Variants in TMPRSS11E observed in about 807,000 individuals in gnomAD.
TMPRSS11E encodes the protein transmembrane protease serine 11E.
A neutral mutation model predicts 48.1 loss-of-function variants in TMPRSS11E; 38 were observed. That is an observed-to-expected ratio of 0.79 (90% CI 0.61 to 1.04). The LOEUF (loss-of-function observed/expected upper bound fraction) is 1.04, where lower values mean the gene tolerates loss of function less well. Ranked by LOEUF, TMPRSS11E falls within the 50% of genes least tolerant of loss-of-function variation. TMPRSS11E has a pLI of 0.00. For missense variants in TMPRSS11E, 530 were observed against 510.8 expected (o/e 1.04, Z -0.36); for synonymous variants, 158 against 171.9 (o/e 0.92, Z 0.63).
chr4:68,497,431 T>C lies in TMPRSS11E; in HGVS notation c.*627T>C, dbSNP rs1729903699. 6.6e-6 allele frequency: 1 copy of C among 152,140 alleles called. No individual in the cohort carries two copies. The highest frequency in any genetic ancestry group is 1.5e-5 in the Non-Finnish European group (1 of 67,998). 9.4% of individuals were successfully genotyped at this position (152,140 alleles called of 1,614,324 possible). A position where few individuals can be genotyped will look rare whatever the true frequency, so the allele number is the denominator to read the frequency against. On this transcript the variant is annotated 3_prime_UTR_variant, in exon 10 of 10. Coordinates refer to ENST00000305363, the MANE Select transcript of TMPRSS11E (RefSeq NM_014058.4). Reference sequence around the variant, plus strand: ...GAAAGAAGCCAAGATATATCCTTATTTTCATTTCCAAACAACTACTATGAT... The same window carrying C: ...GAAAGAAGCCAAGATATATCCTTATCTTCATTTCCAAACAACTACTATGAT...
intron 9 of TMPRSS11E, among the ~76,000 whole-genome samples, chr4:68,486,462 G>T (rs1458547052): frequency 6.6e-6 from 1 of 152,012 alleles, no homozygotes; most frequent in East Asian, 1.9e-4. Flanking sequence ...GAGAGATCTT[G>T]GTATTGATTT....
rs146866066 is a variant in TMPRSS11E, at chr4:68,456,498, G to A, written c.12-5323G>A. On this transcript the variant is annotated intron_variant, in intron 1 of 9. Transcript: ENST00000305363. Reference sequence around the variant, plus strand: ...CAATGAAAATATATAATCCATGCACGTATATATGATATTCTGTTTTATTTC... The same window carrying A: ...CAATGAAAATATATAATCCATGCACATATATATGATATTCTGTTTTATTTC... Among the ~76,000 whole-genome samples, 119 of 151,908 alleles carry A rather than the reference G, an allele frequency of 7.8e-4. 1 individual carries two copies. Among genetic ancestry groups the A allele is most frequent in the South Asian group, 4.6e-3 (22 of 4,812 alleles).
intron 1 of TMPRSS11E, among the ~76,000 whole-genome samples, chr4:68,454,032 G>A (rs1365156082): frequency 4.6e-5 from 7 of 151,840 alleles, no homozygotes; most frequent in Admixed American, 2.0e-4. Context: ...TATGGACAAG[G>A]GGCACTATTT....
At chr4:68,486,027 C>CT (rs1420109623) in intron 9 of TMPRSS11E, among the ~76,000 whole-genome samples, 4 of 151,768 alleles carry the variant, frequency 2.6e-5, no homozygotes, top group South Asian at 2.1e-4. Flanking sequence ...AAAGTTCTTT[C>CT]TTTTTTTTCT....
At chr4:68,494,956 T>A (rs919223316) in intron 9 of TMPRSS11E, among the ~76,000 whole-genome samples, 1 of 152,160 alleles carries the variant, frequency 6.6e-6, no homozygotes, top group African/African-American at 2.4e-5. Context: ...CACTCAGGCA[T>A]TTTCTTAAAA....
chr4:68,477,746 T>A, intron 8 of TMPRSS11E, 118 bp downstream of exon 8: 1 of 1,272,536 alleles, frequency 7.9e-7, no homozygotes. Context: ...CTGGACCAAG[T>A]CAGGCCCTAA....
chr4:68,483,196 T>A (rs933993345), intron 9 of TMPRSS11E, among the ~76,000 whole-genome samples: 2 of 152,108 alleles, frequency 1.3e-5, no homozygotes, highest in African/African-American at 4.8e-5. Context: ...AAGCTTATAA[T>A]CATGGTGGGA....
intron 7 of TMPRSS11E, among the ~76,000 whole-genome samples, chr4:68,477,166 G>T (rs1256094376): frequency 6.6e-6 from 1 of 152,006 alleles, no homozygotes; most frequent in Non-Finnish European, 1.5e-5. Context: ...CTTGGCATAT[G>T]GAGTGGCATG....
chr4:68,488,952 T>C (rs374441516), intron 9 of TMPRSS11E, among the ~76,000 whole-genome samples: 1 of 152,230 alleles, frequency 6.6e-6, no homozygotes, highest in Non-Finnish European at 1.5e-5. Context: ...ATGATCTTCA[T>C]TGACATCTGT....
intron 5 of TMPRSS11E, 89 bp downstream of exon 5, chr4:68,471,712 CT>C (rs1241664206): frequency 5.1e-6 from 5 of 986,652 alleles, no homozygotes; most frequent in Non-Finnish European, 7.1e-6. Flanking sequence ...TTTTGATGTC[CT>C]TTAATTCTGG....
At chr4:68,490,540 T>C (rs1402712644) in intron 9 of TMPRSS11E, among the ~76,000 whole-genome samples, 1 of 152,024 alleles carries the variant, frequency 6.6e-6, no homozygotes, top group African/African-American at 2.4e-5. Context: ...GCATGGAGGT[T>C]AGGCCTCTTC....
chr4:68,476,008 C>G lies in TMPRSS11E; in HGVS notation c.530-253C>G, dbSNP rs545086700. ...TTTGGAAGCACCAAGAAAGTAATAACTAATCCAGATTGGAGACAGGGGAGT... is the reference window on the plus strand; with the variant it reads ...TTTGGAAGCACCAAGAAAGTAATAAGTAATCCAGATTGGAGACAGGGGAGT... On this transcript the variant is annotated intron_variant, in intron 6 of 9. Transcript: ENST00000305363. 5.3e-5 allele frequency among the ~76,000 whole-genome samples: 8 copies of G among 152,190 alleles called. No homozygotes were observed. The East Asian group carries it at 1.4e-3, about 26-fold the overall frequency.
rs1255282650 is a variant in TMPRSS11E at position 68,474,749 on chromosome 4, T to G, written c.517T>G (p.Tyr173Asp). Residue 173 changes from tyrosine (Y) to aspartate (D), a missense_variant, in exon 6 of 10, where the codon TAT (tyrosine) becomes GAT (aspartate). Tyr to Asp is a radical substitution (Grantham distance 160, BLOSUM62 -3). Transcript: ENST00000305363. ...KKINKTETDS[Y>D]LNHCCGTRRS... is the part of the protein sequence containing the mutation. ...AATCAACAAGACAGAAACAGACAGCTATCTAAACCATTGTAAGTTTAATAT... is the reference window on the plus strand; with the variant it reads ...AATCAACAAGACAGAAACAGACAGCGATCTAAACCATTGTAAGTTTAATAT... 1 of 1,603,708 alleles carries G rather than the reference T, an allele frequency of 6.2e-7. No homozygotes were observed. Among genetic ancestry groups the G allele is most frequent in the Non-Finnish European group, 8.5e-7 (1 of 1,176,858 alleles).
intron 9 of TMPRSS11E, among the ~76,000 whole-genome samples, chr4:68,489,699 CA>C (rs1181815535): frequency 3.3e-5 from 5 of 152,148 alleles, no homozygotes; most frequent in Non-Finnish European, 4.4e-5. Flanking sequence ...CTGTGGCTGT[CA>C]AAAAATGCCT....
intron 9 of TMPRSS11E, among the ~76,000 whole-genome samples, chr4:68,494,140 C>T (rs893479977): frequency 2.0e-5 from 3 of 151,836 alleles, no homozygotes; most frequent in Non-Finnish European, 4.4e-5. Flanking sequence ...TCAAAGAAGC[C>T]ATCTTTTCTT....
rs1299562231 is a variant in TMPRSS11E at position 68,497,456 on chromosome 4, T to A, written c.*652T>A. The A allele has an allele frequency of 1.3e-5, 2 of 152,116 alleles. No individual in the cohort carries two copies. The highest frequency in any genetic ancestry group is 4.8e-5 in the African/African-American group (2 of 41,450). 9.4% of individuals were successfully genotyped at this position (152,116 alleles called of 1,614,324 possible). ...TTTCATTTCCAAACAACTACTATGA[T>A]AAATGTGAAGAAGATTCTGTTTTTT... On this transcript the variant is annotated 3_prime_UTR_variant, in exon 10 of 10. Transcript: ENST00000305363.
intron 1 of TMPRSS11E, among the ~76,000 whole-genome samples, chr4:68,455,168 A>G (rs373835891): frequency 1.3e-5 from 2 of 152,060 alleles, no homozygotes; most frequent in African/African-American, 4.8e-5. Context: ...GTTTGACTGC[A>G]AATTATTTCA....
At chr4:68,474,782 A>G (rs2603187) in intron 6 of TMPRSS11E, 21 bp downstream of exon 6, 695,400 of 1,580,280 alleles carry the variant, frequency 0.44, 158,197 homozygotes, top group East Asian at 0.76. Context: ...TATATTTATT[A>G]AAATAGCATT....
chr4:68,496,232 T>G (rs1468151699), intron 9 of TMPRSS11E, among the ~76,000 whole-genome samples: 2 of 152,082 alleles, frequency 1.3e-5, no homozygotes, highest in South Asian at 2.1e-4. Context: ...GTCTGTTTTT[T>G]TTTGTTTGTT....
Sources: gnomAD v4.1 joint callset for allele counts (sites outside exome capture counted in the v4.1 genomes callset) on GRCh38, gnomAD v4.1.1 for gene constraint, MANE v1.5 for transcripts, NCBI Gene and HGNC (gene_info 2026-07-23, HGNC 2026-07-21) for gene names.